The following ROR1 variants were observed in gnomAD, a reference collection of about 807,000 sequenced individuals.
ROR1 encodes the protein ROR family WNT receptor 1, also known as inactive tyrosine-protein kinase transmembrane receptor ROR1.
A neutral mutation model predicts 78.8 loss-of-function variants in ROR1; 19 were observed. The observed-to-expected ratio is 0.24, with a 90% confidence interval of 0.17 to 0.35. The LOEUF is 0.35. ROR1 is among the 10% of genes least tolerant of loss of function. The pLI, the probability that ROR1 is intolerant of heterozygous loss-of-function variation, is 1.00. For missense variants in ROR1, 917 were observed against 1,177.8 expected, an observed-to-expected ratio of 0.78 and a Z score of 3.24; for synonymous variants, 386 against 433.6, an observed-to-expected ratio of 0.89 and a Z score of 1.36.
At chr1:63,798,507 A>G (rs988858249) in intron 1 of ROR1, among the ~76,000 whole-genome samples, 2 of 152,170 alleles carry the variant, frequency 1.3e-5, no homozygotes, top group Admixed American at 6.5e-5. Flanking sequence ...GCCAGGCAGC[A>G]TGCAGTCCGC....
intron 1 of ROR1, among the ~76,000 whole-genome samples, chr1:63,848,985 G>A (rs936497383): frequency 6.6e-6 from 1 of 152,174 alleles, no homozygotes; most frequent in African/African-American, 2.4e-5. Flanking sequence ...TGATATGTCA[G>A]GCTGTGGGCG....
chr1:64,134,318 C>A (rs1050088026), intron 4 of ROR1, among the ~76,000 whole-genome samples: 1 of 152,110 alleles, frequency 6.6e-6, no homozygotes, highest in Non-Finnish European at 1.5e-5. Context: ...GTCTCTTTCT[C>A]GAGTAGGCTG....
intron 1 of ROR1, among the ~76,000 whole-genome samples, chr1:63,820,695 A>G (rs750688418): frequency 5.3e-5 from 8 of 152,246 alleles, no homozygotes; most frequent in Admixed American, 6.5e-5. Flanking sequence ...TTCAAAGGTC[A>G]GGTAAGGTTC....
chr1:63,886,452 T>C (rs1418933583), intron 1 of ROR1, among the ~76,000 whole-genome samples: 2 of 152,140 alleles, frequency 1.3e-5, no homozygotes, highest in Non-Finnish European at 2.9e-5. Flanking sequence ...ATTATACACA[T>C]GGTTTTTGCT....
intron 7 of ROR1, chr1:64,143,307 G>C (rs1479736058): frequency 2.1e-6 from 2 of 946,444 alleles, no homozygotes; most frequent in Non-Finnish European, 2.5e-6. Context: ...GATCATTTGA[G>C]CCCAGGGGTT....
chr1:63,896,130 A>G (rs952814483), intron 1 of ROR1, among the ~76,000 whole-genome samples: 3 of 152,162 alleles, frequency 2.0e-5, no homozygotes, highest in South Asian at 2.1e-4. Flanking sequence ...AGCCACTCCC[A>G]TCATTACATA....
intron 7 of ROR1, among the ~76,000 whole-genome samples, chr1:64,145,629 G>A (rs919992077): frequency 6.6e-6 from 1 of 152,096 alleles, no homozygotes; most frequent in Non-Finnish European, 1.5e-5. Context: ...GTAATGGTTT[G>A]CACTTCATTT....
intron 2 of ROR1, among the ~76,000 whole-genome samples, chr1:64,025,602 T>C (rs1646601950): frequency 6.6e-6 from 1 of 152,056 alleles, no homozygotes; most frequent in African/African-American, 2.4e-5. Flanking sequence ...TATATGTATA[T>C]ATACATACAC....
At chr1:63,994,738 C>T (rs985263792) in intron 1 of ROR1, among the ~76,000 whole-genome samples, 2 of 152,206 alleles carry the variant, frequency 1.3e-5, no homozygotes, top group Admixed American at 6.5e-5. Flanking sequence ...CTCCGTCATC[C>T]CTGACTGAAA....
intron 7 of ROR1, among the ~76,000 whole-genome samples, chr1:64,151,103 A>G (rs1227026887): frequency 6.6e-6 from 1 of 152,214 alleles, no homozygotes; most frequent in South Asian, 2.1e-4. Flanking sequence ...AGACTAAGGG[A>G]AATGTTATAA....
intron 2 of ROR1, among the ~76,000 whole-genome samples, chr1:64,042,694 C>T (rs979758689): frequency 3.3e-5 from 5 of 152,154 alleles, no homozygotes; most frequent in Admixed American, 1.3e-4. Flanking sequence ...CCGCTATTTT[C>T]GGCTGATTTT....
chr1:63,899,012 C>A (rs1391335665), intron 1 of ROR1, among the ~76,000 whole-genome samples: 1 of 152,032 alleles, frequency 6.6e-6, no homozygotes, highest in Non-Finnish European at 1.5e-5. Flanking sequence ...ACTCCTGCCA[C>A]CCACCAAGAA....
intron 1 of ROR1, among the ~76,000 whole-genome samples, chr1:63,953,013 A>G (rs1458180211): frequency 1.3e-5 from 2 of 152,150 alleles, no homozygotes; most frequent in East Asian, 1.9e-4. Flanking sequence ...TGGGGCATTA[A>G]TCCTTGGCTC....
intron 1 of ROR1, among the ~76,000 whole-genome samples, chr1:63,807,695 G>T (rs1288769032): frequency 6.6e-6 from 1 of 152,134 alleles, no homozygotes; most frequent in African/African-American, 2.4e-5. Context: ...CAGGGATGAT[G>T]CCCTACGCAT....
chr1:63,848,313 T>C (rs1237104465), intron 1 of ROR1, among the ~76,000 whole-genome samples: 1 of 152,212 alleles, frequency 6.6e-6, no homozygotes, highest in African/African-American at 2.4e-5. Context: ...TGCTTTCCAG[T>C]CTTTCTTTGT....
intron 2 of ROR1, among the ~76,000 whole-genome samples, chr1:64,030,397 A>C (rs764367428): frequency 6.6e-6 from 1 of 152,204 alleles, no homozygotes; most frequent in Non-Finnish European, 1.5e-5. Context: ...AGGTGAAGGA[A>C]ACTAACACTC....
chr1:64,089,229 A>G (rs1647176594), intron 4 of ROR1, among the ~76,000 whole-genome samples: 1 of 146,918 alleles, frequency 6.8e-6, no homozygotes, highest in Non-Finnish European at 1.5e-5. Context: ...TTTTTTTTTG[A>G]GACATGGTCT....
intron 1 of ROR1, among the ~76,000 whole-genome samples, chr1:63,898,538 T>C (rs942001904): frequency 9.2e-6 from 1 of 108,522 alleles, no homozygotes; most frequent in African/African-American, 3.6e-5. Context: ...AGAAAGAGAA[T>C]GAAAGGACAA....
intron 7 of ROR1, among the ~76,000 whole-genome samples, chr1:64,148,104 G>A (rs1649522811): frequency 6.6e-6 from 1 of 152,148 alleles, no homozygotes; most frequent in Admixed American, 6.5e-5. Flanking sequence ...ATCATTTATT[G>A]TATGCTTACA....
Sources: allele counts gnomAD v4.1 joint callset (sites outside exome capture counted in the v4.1 genomes callset), GRCh38; gene constraint gnomAD v4.1.1; transcripts MANE v1.5; gene names NCBI Gene and HGNC (gene_info 2026-07-23, HGNC 2026-07-21).